MYCBPAP: variants seen among roughly 807,000 people sequenced by gnomAD.
MYCBPAP encodes MYCBP associated protein.
In MYCBPAP, 60 loss-of-function variants were observed where a neutral mutation model predicts 106.1. The ratio of observed to expected loss-of-function variants is 0.57; its 90% CI spans 0.46 to 0.70. The LOEUF is 0.70. Ranked by LOEUF, MYCBPAP falls within the 30% of genes least tolerant of loss-of-function variation. The pLI is 0.00. For synonymous variants in MYCBPAP, 407 were observed against 440.6 expected (o/e 0.92, Z 0.95); for missense variants, 1,064 against 1,169.3 (o/e 0.91, Z 1.31).
In MYCBPAP at chr17:50,518,503, T is replaced by C. The variant is rs369487103; in HGVS notation, c.469-38T>C. The C allele has an allele frequency of 2.2e-5, 33 of 1,515,508 alleles. No homozygotes were observed. The African/African-American group carries it at 4.1e-4, about 19-fold the overall frequency. The allele number at this position is 1,515,508 out of a possible 1,614,324, so 93.9% of individuals were successfully genotyped here. The stretch of plus-strand genomic sequence containing the variant: ...GTGTGCTCAGCCCTGCCCAGAGCCT[T>C]CTTACTGCCCTCCACATACCTATGT... On this transcript the variant is annotated intron_variant, in intron 4 of 18. Transcript: ENST00000323776.
At chr17:50,525,398 T>G (rs2034423841) in intron 13 of MYCBPAP, among the ~76,000 whole-genome samples, 1 of 152,212 alleles carries the variant, frequency 6.6e-6, no homozygotes, top group Non-Finnish European at 1.5e-5. Context: ...TAGCAAACTC[T>G]TTTATGTGCC....
At chr17:50,528,656 TG>T in intron 16 of MYCBPAP, 38 bp from the exon 17 acceptor site, 2 of 1,600,756 alleles carry the variant, frequency 1.2e-6, no homozygotes. Context: ...ACTAGGCTGT[TG>T]GGGGCCTGCC....
At chr17:50,515,876 T>A (rs929475740) in intron 1 of MYCBPAP, 1 of 152,306 alleles carries the variant, frequency 6.6e-6, no homozygotes, top group African/African-American at 2.4e-5. Flanking sequence ...CTCAACTATG[T>A]TGCCCAGGCT....
Position 50,525,892 on chromosome 17 carries a change from G to A in MYCBPAP, c.1794G>A (p.Glu598=), listed in dbSNP as rs756437603. ...FRHRNPPLHY[E]HQVVQSLHQL... ...ATCCTCTGCTGCAGCTGCATTATGA[G>A]CACCAAGTGGTGCAAAGCCTGCACC... The change falls in exon 14 of 19, where the codon GAG becomes GAA. Residue 598 remains glutamate (E), a synonymous_variant. Transcript: ENST00000323776. 11 of 1,605,700 alleles carry A rather than the reference G, an allele frequency of 6.9e-6. 1 individual carries two copies. Among genetic ancestry groups the A allele is most frequent in the Middle Eastern group, 1.8e-4 (1 of 5,578 alleles).
Position 50,529,149 on chromosome 17 carries a change from C to G in MYCBPAP, c.2685C>G (p.Pro895=), listed in dbSNP as rs747649073. 1 of 1,613,442 alleles carries G rather than the reference C, an allele frequency of 6.2e-7. No individual in the cohort carries two copies. Among genetic ancestry groups the G allele is most frequent in the East Asian group, 2.2e-5 (1 of 44,902 alleles). The part of the protein sequence containing the change: ...IILSSQEPID[P]LVMGKYTQSL... ...TCTCTTCTCAAGAACCCATAGACCC[C>G]CTGGTCATGGGGAAATACACCCAGA... Residue 895 remains proline (P), a synonymous_variant, in exon 18 of 19, where the codon CCC becomes CCG. Coordinates refer to ENST00000323776, the MANE Select transcript of MYCBPAP (RefSeq NM_032133.6).
In MYCBPAP at chr17:50,527,282, G is replaced by T; in HGVS notation, c.2170-5G>T. 3.7e-6 allele frequency: 6 copies of T among 1,613,938 alleles called. No homozygotes were observed. The highest frequency in any genetic ancestry group is 5.1e-6 in the Non-Finnish European group (6 of 1,179,926). Reference sequence around the variant, plus strand: ...GGTGCAGAATGGTGCCCATGACCCTGCCAGGCAGTGATGGTGCTCCCTGAT... The same window carrying T: ...GGTGCAGAATGGTGCCCATGACCCTTCCAGGCAGTGATGGTGCTCCCTGAT... On this transcript the variant is annotated splice_region_variant and splice_polypyrimidine_tract_variant and intron_variant, in intron 14 of 18. Coordinates refer to ENST00000323776, the MANE Select transcript of MYCBPAP (RefSeq NM_032133.6).
In MYCBPAP at chr17:50,528,230, T is replaced by C; in HGVS notation, c.2367T>C (p.Pro789=). The change falls in exon 16 of 19, where the codon CCT becomes CCC. Residue 789 remains proline, a synonymous_variant. Transcript: ENST00000323776. ...GGCTGAGGTCTGTGCTGGGCCTGCC[T>C]GAGAAGGAGACCATCTATTTGAATG... ...SMWLRSVLGL[P]EKETIYLNVP... The C allele has an allele frequency of 1.2e-6, 2 of 1,614,082 alleles. No individual in the cohort carries two copies. The highest frequency in any genetic ancestry group is 1.7e-6 in the Non-Finnish European group (2 of 1,179,988).
Position 50,526,248 on chromosome 17 carries a change from G to A in MYCBPAP, c.2150G>A (p.Cys717Tyr), listed in dbSNP as rs765544715. 6.2e-7 allele frequency: 1 copy of A among 1,606,774 alleles called. No homozygotes were observed. The highest frequency in any genetic ancestry group is 8.5e-7 in the Non-Finnish European group (1 of 1,178,028). The part of the protein sequence containing the change: ...DGLPLLEWNL[C>Y]LEDFRKAVMV... ...CTTCCCCTGCTGGAGTGGAACCTCT[G>A]CTTGGAGGACTTCAGAAAGGTGCTT... Residue 717 changes from cysteine (C) to tyrosine (Y), a missense_variant, in exon 14 of 19, where the codon TGC becomes TAC. Cys to Tyr is a radical substitution (Grantham distance 194). Transcript: ENST00000323776.
chr17:50,522,043 C>G lies in MYCBPAP; in HGVS notation c.1219C>G (p.Pro407Ala). 6.2e-7 allele frequency: 1 copy of G among 1,614,004 alleles called. No homozygotes were observed. Among genetic ancestry groups the G allele is most frequent in the Non-Finnish European group, 8.5e-7 (1 of 1,179,904 alleles). Residue 407 changes from proline (P) to alanine (A), a missense_variant, in exon 10 of 19, where the codon CCA becomes GCA. Pro to Ala is a conservative substitution (Grantham distance 27, BLOSUM62 -1). Coordinates refer to ENST00000323776, the MANE Select transcript of MYCBPAP (RefSeq NM_032133.6). ...LGPSLLFCGK[P>A]ACWIRGSNPQ... is the part of the protein sequence containing the mutation. ...CCCTTCTCTGCTGTTCTGTGGGAAG[C>G]CAGCTTGCTGGATCAGAGGCAGTAA... is the stretch of plus-strand genomic sequence containing the variant.
Position 50,508,448 on chromosome 17 carries a change from T to G in MYCBPAP, c.-227T>G. The G allele has an allele frequency of 8.2e-7, 1 of 1,216,922 alleles. No homozygotes were observed. The highest frequency in any genetic ancestry group is 1.1e-6 in the Non-Finnish European group (1 of 882,718). 75.4% of individuals were successfully genotyped at this position (1,216,922 alleles called of 1,614,324 possible). A position where few individuals can be genotyped will look rare whatever the true frequency, so the allele number is the denominator to read the frequency against. On this transcript the variant is annotated 5_prime_UTR_variant, in exon 1 of 19. Coordinates refer to ENST00000323776, the MANE Select transcript of MYCBPAP (RefSeq NM_032133.6). ...CACAGGCCGGGCCCGCAGGGCTTTC[T>G]AGGGGTCCGTCGCTCTTGAAGCCGC...
Position 50,526,128 on chromosome 17 carries a change from C to T in MYCBPAP, c.2030C>T (p.Thr677Ile), listed in dbSNP as rs1332172348. The T allele has an allele frequency of 6.2e-7, 1 of 1,613,604 alleles. No individual in the cohort carries two copies. The highest frequency in any genetic ancestry group is 1.3e-5 in the African/African-American group (1 of 74,904). ...ESGSQKARVG[T>I]KSPQRKSIME... is the part of the protein sequence containing the mutation. ...GGGTCCCAGAAGGCCAGAGTGGGGA[C>T]CAAGAGTCCTCAGCGGAAGAGCATC... Residue 677 changes from threonine to isoleucine, a missense_variant, in exon 14 of 19, where the codon ACC becomes ATC. Physicochemically the swap from Thr to Ile is moderately conservative, Grantham distance 89. Coordinates refer to ENST00000323776, the MANE Select transcript of MYCBPAP (RefSeq NM_032133.6).
intron 10 of MYCBPAP, chr17:50,522,336 G>T: frequency 2.9e-6 from 1 of 342,090 alleles, no homozygotes; most frequent in South Asian, 4.0e-5. Context: ...AGTAGGTATG[G>T]CTCTAAGAAG....
intron 10 of MYCBPAP, 71 bp from the exon 11 acceptor site, chr17:50,522,868 C>A: frequency 1.3e-6 from 2 of 1,493,166 alleles, no homozygotes; most frequent in South Asian, 1.3e-5. Context: ...AAGTCCTGGG[C>A]AGACCAGATG....
chr17:50,527,128 G>A, intron 14 of MYCBPAP, 159 bp from the exon 15 acceptor site: 1 of 945,634 alleles, frequency 1.1e-6, no homozygotes, highest in Non-Finnish European at 1.6e-6. Flanking sequence ...TTTCTGAGGG[G>A]GGTCCCTGGC....
intron 13 of MYCBPAP, 163 bp downstream of exon 13, chr17:50,525,186 C>T (rs915738420): frequency 2.4e-5 from 19 of 779,400 alleles, no homozygotes; most frequent in African/African-American, 5.2e-5. Flanking sequence ...CATAGGAGCA[C>T]GAATCCCATT....
rs758808311 is a variant in MYCBPAP, at chr17:50,523,122, C to T, written c.1441C>T (p.Arg481Trp). The T allele has an allele frequency of 3.1e-5, 50 of 1,613,068 alleles. No homozygotes were observed. Among genetic ancestry groups the T allele is most frequent in the Non-Finnish European group, 3.7e-5 (44 of 1,179,326 alleles). Residue 481 changes from arginine to tryptophan, a missense_variant, in exon 11 of 19, where the codon CGG becomes TGG. Coordinates refer to ENST00000323776, the MANE Select transcript of MYCBPAP (RefSeq NM_032133.6). ...GATGCAGCGATTTTACTTTGACAACCGGGAAGGTACTCGGGAGAAGCCACC... is the reference window on the plus strand; with the variant it reads ...GATGCAGCGATTTTACTTTGACAACTGGGAAGGTACTCGGGAGAAGCCACC... ...NRMQRFYFDN[R>W]EGVILPGEIK... is the part of the protein sequence containing the mutation.
At chr17:50,529,622 G>A in intron 18 of MYCBPAP, 1 of 409,702 alleles carries the variant, frequency 2.4e-6, no homozygotes, top group Non-Finnish European at 5.0e-6. Flanking sequence ...TTTTCGGAGT[G>A]AAATGAGAAG....
chr17:50,524,004 C>T (rs1224657497), intron 12 of MYCBPAP, among the ~76,000 whole-genome samples: 1 of 152,218 alleles, frequency 6.6e-6, no homozygotes, highest in Non-Finnish European at 1.5e-5. Flanking sequence ...GCAGCAATGC[C>T]ATGCATGGCC....
rs567116269 is a variant in MYCBPAP, at chr17:50,521,200, T to C, written c.1007T>C (p.Met336Thr). The C allele has an allele frequency of 6.2e-6, 10 of 1,613,178 alleles. No individual in the cohort carries two copies. In the South Asian group the frequency reaches 1.1e-4, roughly 18 times the overall value. Residue 336 changes from methionine to threonine, a missense_variant, in exon 8 of 19, where the codon ATG becomes ACG. Transcript: ENST00000323776. ...IYRRKELQRI[M>T]EELDFSQQDI... ...CGACGCAAGGAGCTGCAGAGAATCA[T>C]GGAAGAGCTGGATTTCAGCCAGCAG...
Sources: allele counts gnomAD v4.1 joint callset (sites outside exome capture counted in the v4.1 genomes callset), GRCh38; gene constraint gnomAD v4.1.1; transcripts MANE v1.5; gene names NCBI Gene and HGNC (gene_info 2026-07-23, HGNC 2026-07-21).